TMEM266: variants seen among roughly 807,000 people sequenced by gnomAD.
The protein encoded by TMEM266 is Hv1 related protein 1.
In TMEM266, 33 loss-of-function variants were observed where a neutral mutation model predicts 50.5. The ratio of observed to expected loss-of-function variants is 0.65; its 90% confidence interval spans 0.50 to 0.87. The LOEUF is 0.87. TMEM266 is among the 40% of genes least tolerant of loss of function. The probability of loss-of-function intolerance (pLI) is 0.00; values close to 1 mark genes in which losing one functional copy is unlikely to be tolerated. For synonymous variants in TMEM266, 310 were observed against 292.3 expected (o/e 1.06, Z -0.62); for missense variants, 655 against 695.1 (o/e 0.94, Z 0.65).
intron 1 of TMEM266, among the ~76,000 whole-genome samples, chr15:76,106,417 T>C (rs2037081462): frequency 4.6e-5 from 7 of 152,056 alleles, no homozygotes; most frequent in Admixed American, 4.6e-4. Flanking sequence ...TGTTTTTAAT[T>C]TGTTTTGTGT....
At chr15:76,090,458 C>T (rs2036833018) in intron 1 of TMEM266, among the ~76,000 whole-genome samples, 1 of 145,082 alleles carries the variant, frequency 6.9e-6, no homozygotes, top group African/African-American at 2.6e-5. Flanking sequence ...CACCACTGCA[C>T]TCCAGGCTGG....
chr15:76,170,909 C>A (rs989428623), intron 6 of TMEM266, 84 bp from the exon 7 acceptor site: 2 of 1,482,106 alleles, frequency 1.3e-6, no homozygotes, highest in Admixed American at 2.2e-5. Flanking sequence ...AAAAGTTGGG[C>A]AGCACCAGCT....
chr15:76,184,871 C>T (rs2038471487), intron 8 of TMEM266, among the ~76,000 whole-genome samples: 1 of 152,214 alleles, frequency 6.6e-6, no homozygotes, highest in East Asian at 1.9e-4. Flanking sequence ...AAATACTTAG[C>T]TAATGATGTG....
chr15:76,105,048 C>T (rs557757683), intron 1 of TMEM266, among the ~76,000 whole-genome samples: 96 of 152,188 alleles, frequency 6.3e-4, no homozygotes, highest in African/African-American at 2.1e-3. Context: ...GAGTTCAAGA[C>T]CAGCCTGACG....
chr15:76,167,339 G>A (rs1354952885), intron 5 of TMEM266, among the ~76,000 whole-genome samples: 5 of 151,638 alleles, frequency 3.3e-5, no homozygotes, highest in Admixed American at 6.6e-5. Flanking sequence ...GCATGGTGGC[G>A]GGTGCCTGTA....
intron 1 of TMEM266, among the ~76,000 whole-genome samples, chr15:76,129,306 A>C (rs1439305646): frequency 6.6e-6 from 1 of 152,198 alleles, no homozygotes; most frequent in Non-Finnish European, 1.5e-5. Context: ...TAAACTAATT[A>C]AAATGTATAG....
intron 1 of TMEM266, among the ~76,000 whole-genome samples, chr15:76,106,524 C>G (rs2037083013): frequency 1.3e-5 from 2 of 152,188 alleles, no homozygotes; most frequent in Admixed American, 6.5e-5. Flanking sequence ...ACTGCAGCCT[C>G]AAACTCCTGA....
At chr15:76,127,223 A>G (rs903932954) in intron 1 of TMEM266, among the ~76,000 whole-genome samples, 11 of 152,132 alleles carry the variant, frequency 7.2e-5, no homozygotes, top group Non-Finnish European at 1.6e-4. Context: ...TTTATGTCTC[A>G]AATATATACA....
intron 1 of TMEM266, among the ~76,000 whole-genome samples, chr15:76,108,474 C>T (rs1307127946): frequency 2.0e-5 from 3 of 152,230 alleles, no homozygotes; most frequent in Non-Finnish European, 4.4e-5. Context: ...TCCTGTTAAG[C>T]TACAGATTCC....
chr15:76,178,978 G>A (rs565946017), intron 8 of TMEM266, among the ~76,000 whole-genome samples: 10 of 152,302 alleles, frequency 6.6e-5, no homozygotes, highest in South Asian at 2.1e-4. Context: ...TCCACAGAGC[G>A]AAGCAGACAG....
chr15:76,078,304 G>A (rs1166072986), intron 1 of TMEM266, among the ~76,000 whole-genome samples: 1 of 152,004 alleles, frequency 6.6e-6, no homozygotes, highest in African/African-American at 2.4e-5. Context: ...GTTCTGACCC[G>A]GGGCCCCGGT....
Position 76,169,826 on chromosome 15 carries a change from G to C in TMEM266, c.467G>C (p.Arg156Pro), listed in dbSNP as rs1364721120. ...ACTTCCTTTCCTCAGACTGTTCTAC[G>C]GATTGTGGTGCTTGGGATCTGGGAT... Residue 156 changes from arginine to proline, a missense_variant, in exon 6 of 11, where the codon CGG becomes CCG. Physicochemically the swap from Arg to Pro is moderately radical, Grantham distance 103. Around this residue, in one of 3 missense-constraint regions of TMEM266, gnomAD observed 101 missense variants for 182.6 expected, o/e 0.55. Coordinates refer to ENST00000388942, the MANE Select transcript of TMEM266 (RefSeq NM_152335.3). 1.2e-6 allele frequency: 2 copies of C among 1,613,918 alleles called. No homozygotes were observed. Among genetic ancestry groups the C allele is most frequent in the Non-Finnish European group, 1.7e-6 (2 of 1,179,882 alleles).
intron 1 of TMEM266, among the ~76,000 whole-genome samples, chr15:76,131,781 CCTTG>C (rs1399503053): frequency 1.5e-4 from 23 of 152,068 alleles, no homozygotes; most frequent in African/African-American, 5.6e-4. Context: ...AGCCTTTGTC[CCTTG>C]CTTCTATTGC....
chr15:76,166,315 C>G (rs2038096506), intron 5 of TMEM266, among the ~76,000 whole-genome samples: 1 of 152,170 alleles, frequency 6.6e-6, no homozygotes, highest in Admixed American at 6.5e-5. Context: ...ACCGCTTCCC[C>G]ATCTCTAGCA....
chr15:76,187,488 A>G (rs2142077667), intron 8 of TMEM266, among the ~76,000 whole-genome samples: 1 of 152,324 alleles, frequency 6.6e-6, no homozygotes, highest in South Asian at 2.1e-4. Flanking sequence ...GGGTTGCCTT[A>G]TGGGCCTTCA....
intron 1 of TMEM266, among the ~76,000 whole-genome samples, chr15:76,091,570 T>G (rs1223120294): frequency 3.3e-5 from 5 of 151,774 alleles, no homozygotes; most frequent in African/African-American, 1.2e-4. Flanking sequence ...AAACAAAAAT[T>G]ATCAATTAAC....
intron 2 of TMEM266, among the ~76,000 whole-genome samples, chr15:76,137,461 T>G (rs1463211137): frequency 6.6e-6 from 1 of 152,126 alleles, no homozygotes. Flanking sequence ...AAAGCTCATA[T>G]TTCCAGGTCT....
At chr15:76,193,570 G>C (rs1229812335) in intron 9 of TMEM266, among the ~76,000 whole-genome samples, 2 of 152,320 alleles carry the variant, frequency 1.3e-5, no homozygotes, top group Middle Eastern at 3.4e-3. Context: ...TTGGGGGCTA[G>C]AGGGGATTTC....
chr15:76,103,910 C>CAAAAA (rs35293752), intron 1 of TMEM266, among the ~76,000 whole-genome samples: 1 of 126,992 alleles, frequency 7.9e-6, no homozygotes, highest in Non-Finnish European at 1.6e-5. Flanking sequence ...GACTCCATCT[C>CAAAAA]AAAAAAAAAA....
Sources: allele counts gnomAD v4.1 joint callset (sites outside exome capture counted in the v4.1 genomes callset), GRCh38; gene constraint gnomAD v4.1.1; regional missense constraint gnomAD v4.1.1; transcripts MANE v1.5; gene names NCBI Gene and HGNC (gene_info 2026-07-23, HGNC 2026-07-21).